ZNF804B: variants seen among roughly 807,000 people sequenced by gnomAD.
The protein encoded by ZNF804B is zinc finger 804B.
A neutral mutation model predicts 101.4 loss-of-function variants in ZNF804B; 80 were observed. That is an observed-to-expected ratio of 0.79 (90% CI 0.66 to 0.95). ZNF804B has a LOEUF of 0.95. Ranked by LOEUF, ZNF804B falls within the 40% of genes least tolerant of loss-of-function variation. The pLI is 0.00. For synonymous variants in ZNF804B, 622 were observed against 558.8 expected, an observed-to-expected ratio of 1.11 and a Z score of -1.59; for missense variants, 1,673 against 1,561.9, an observed-to-expected ratio of 1.07 and a Z score of -1.20.
intron 2 of ZNF804B, among the ~76,000 whole-genome samples, chr7:89,246,244 C>G (rs1389684062): frequency 6.6e-6 from 1 of 152,122 alleles, no homozygotes; most frequent in African/African-American, 2.4e-5. Context: ...TATATGACAG[C>G]TGCAGTTTCT....
At chr7:88,868,048 A>T (rs186513100) in intron 1 of ZNF804B, among the ~76,000 whole-genome samples, 26 of 142,560 alleles carry the variant, frequency 1.8e-4, no homozygotes, top group South Asian at 2.3e-4. Context: ...TGTGTGTGTG[A>T]GTGTGTGTGT....
At chr7:89,028,233 T>TTATTGTATTTA (rs1788780212) in intron 1 of ZNF804B, among the ~76,000 whole-genome samples, 1 of 152,116 alleles carries the variant, frequency 6.6e-6, no homozygotes, top group Admixed American at 6.5e-5. Context: ...CTTAACCCAA[T>TTATTGTATTTA]ATTGGCAGGA....
chr7:89,251,534 C>T (rs1789540661), intron 2 of ZNF804B, among the ~76,000 whole-genome samples: 1 of 152,106 alleles, frequency 6.6e-6, no homozygotes. Flanking sequence ...AAGCAATGTA[C>T]AGATTCAATG....
chr7:88,998,266 C>T (rs758504613), intron 1 of ZNF804B, among the ~76,000 whole-genome samples: 29 of 152,022 alleles, frequency 1.9e-4, no homozygotes, highest in African/African-American at 4.1e-4. Flanking sequence ...TTAACCACAA[C>T]GCTCATCACT....
chr7:89,293,043 T>G (rs1790322536), intron 2 of ZNF804B, among the ~76,000 whole-genome samples: 1 of 152,126 alleles, frequency 6.6e-6, no homozygotes, highest in African/African-American at 2.4e-5. Context: ...TTATTTCTAC[T>G]CTATTGTTTC....
chr7:88,946,148 G>C (rs139132347), intron 1 of ZNF804B, among the ~76,000 whole-genome samples: 1 of 152,080 alleles, frequency 6.6e-6, no homozygotes, highest in Non-Finnish European at 1.5e-5. Flanking sequence ...TGGTGAAAGA[G>C]AGCATCCTTG....
Position 89,336,233 on chromosome 7 carries a change from G to C in ZNF804B, c.3251G>C (p.Gly1084Ala), listed in dbSNP as rs139960501. ...PGAFPSNKYTGVTDSTETQED... is the reference protein window; with the variant it reads ...PGAFPSNKYTAVTDSTETQED... ...GCTTTTCCGTCTAATAAATATACTG[G>C]TGTGACTGATTCAACAGAGACCCAA... The change falls in exon 4 of 4, where the codon GGT becomes GCT. Residue 1084 changes from glycine to alanine, a missense_variant. By Grantham distance (60) the Gly-to-Ala change is moderately conservative. Transcript: ENST00000333190. 3 of 1,613,756 alleles carry C rather than the reference G, an allele frequency of 1.9e-6. No individual in the cohort carries two copies. Among genetic ancestry groups the C allele is most frequent in the Non-Finnish European group, 2.5e-6 (3 of 1,179,940 alleles).
intron 1 of ZNF804B, among the ~76,000 whole-genome samples, chr7:89,097,992 T>A (rs1423257183): frequency 2.6e-5 from 4 of 152,178 alleles, no homozygotes; most frequent in African/African-American, 9.7e-5. Context: ...TCAGAAGCTA[T>A]ATAATAACAT....
At chr7:88,950,926 A>T in intron 1 of ZNF804B, among the ~76,000 whole-genome samples, 1 of 149,976 alleles carries the variant, frequency 6.7e-6, no homozygotes, top group Admixed American at 6.7e-5. Context: ...AAGTGAGCTA[A>T]TTTTTTTTTT....
In ZNF804B at chr7:89,197,773, A is replaced by G. The variant is rs571407735; in HGVS notation, c.109-20382A>G. On this transcript the variant is annotated intron_variant, in intron 1 of 3. Coordinates refer to ENST00000333190, the MANE Select transcript of ZNF804B (RefSeq NM_181646.5). ...AGTATATGCACAGGTTAGTGGATTT[A>G]GATTTAGTTTCGTTATATAGAGTTA... is the stretch of plus-strand genomic sequence containing the variant. Among the ~76,000 whole-genome samples the G allele has an allele frequency of 2.0e-5, 3 of 151,940 alleles. No individual in the cohort carries two copies. In the East Asian group the frequency reaches 5.8e-4, roughly 29 times the overall value.
chr7:88,884,325 G>A (rs2115914157), intron 1 of ZNF804B, among the ~76,000 whole-genome samples: 1 of 151,456 alleles, frequency 6.6e-6, no homozygotes, highest in East Asian at 1.9e-4. Context: ...TTAATGTATT[G>A]GAGACTTTAA....
chr7:89,193,253 C>T (rs1436672551), intron 1 of ZNF804B, among the ~76,000 whole-genome samples: 2 of 144,542 alleles, frequency 1.4e-5, no homozygotes, highest in African/African-American at 2.6e-5. Context: ...AAAACCCTAT[C>T]ATCTCAGCCC....
chr7:89,266,566 G>A (rs1421714213), intron 2 of ZNF804B, among the ~76,000 whole-genome samples: 1 of 152,124 alleles, frequency 6.6e-6, no homozygotes, highest in East Asian at 1.9e-4. Flanking sequence ...GGCAAGTACA[G>A]TTCAAGTAAT....
intron 1 of ZNF804B, among the ~76,000 whole-genome samples, chr7:89,185,589 G>A (rs180673503): frequency 2.0e-5 from 3 of 152,096 alleles, no homozygotes; most frequent in African/African-American, 4.8e-5. Flanking sequence ...GGTCGGGCGC[G>A]GTGGCTCATG....
At chr7:88,889,503 G>C (rs1792184628) in intron 1 of ZNF804B, among the ~76,000 whole-genome samples, 1 of 152,066 alleles carries the variant, frequency 6.6e-6, no homozygotes, top group Non-Finnish European at 1.5e-5. Context: ...GTGTTTCATT[G>C]TGGTTTTAAT....
At chr7:89,087,231 A>T (rs1440043438) in intron 1 of ZNF804B, among the ~76,000 whole-genome samples, 2 of 151,960 alleles carry the variant, frequency 1.3e-5, no homozygotes, top group African/African-American at 2.4e-5. Context: ...GAAAATAAGT[A>T]AGACAAACAG....
At chr7:89,026,729 T>C (rs1430669047) in intron 1 of ZNF804B, among the ~76,000 whole-genome samples, 1 of 152,142 alleles carries the variant, frequency 6.6e-6, no homozygotes, top group Non-Finnish European at 1.5e-5. Context: ...AGTTTCCTGA[T>C]GGTATCACAT....
intron 1 of ZNF804B, among the ~76,000 whole-genome samples, chr7:89,192,868 A>T (rs1180971292): frequency 6.6e-6 from 1 of 152,134 alleles, no homozygotes; most frequent in Non-Finnish European, 1.5e-5. Context: ...AATAAACATG[A>T]TTAATCACAT....
chr7:88,792,796 A>T (rs965180866), intron 1 of ZNF804B, among the ~76,000 whole-genome samples: 1 of 152,132 alleles, frequency 6.6e-6, no homozygotes, highest in African/African-American at 2.4e-5. Flanking sequence ...CTAACTTGAA[A>T]GAAACTTCAG....
Sources: gnomAD v4.1 joint callset for allele counts (sites outside exome capture counted in the v4.1 genomes callset) on GRCh38, gnomAD v4.1.1 for gene constraint, MANE v1.5 for transcripts, NCBI Gene and HGNC (gene_info 2026-07-23, HGNC 2026-07-21) for gene names.